The following SYN3 variants were observed in gnomAD, a reference collection of about 807,000 sequenced individuals.
SYN3 encodes the protein synapsin III, also known as synapsin-3.
A neutral mutation model predicts 65.8 loss-of-function variants in SYN3; 35 were observed. That is an observed-to-expected ratio of 0.53 (90% CI 0.41 to 0.70). SYN3 has a LOEUF of 0.70. Ranked by LOEUF, SYN3 falls within the 30% of genes least tolerant of loss-of-function variation. The probability of loss-of-function intolerance (pLI) is 0.00; values close to 1 mark genes in which losing one functional copy is unlikely to be tolerated. For missense variants in SYN3, 680 were observed against 749.0 expected (o/e 0.91, Z 1.08); for synonymous variants, 270 against 292.9 (o/e 0.92, Z 0.80).
intron 7 of SYN3, among the ~76,000 whole-genome samples, chr22:32,593,707 T>C (rs566100357): frequency 1.3e-4 from 20 of 152,182 alleles, no homozygotes; most frequent in African/African-American, 4.8e-4. Flanking sequence ...AGTAGAGATG[T>C]AGAGGACATA....
chr22:32,525,327 G>A (rs188512644), intron 12 of SYN3, among the ~76,000 whole-genome samples: 6 of 152,262 alleles, frequency 3.9e-5, no homozygotes, highest in African/African-American at 9.6e-5. Context: ...CTGCAGCCTC[G>A]TGATAAAACT....
At chr22:32,905,618 G>C (rs1241291759) in intron 4 of SYN3, among the ~76,000 whole-genome samples, 1 of 152,264 alleles carries the variant, frequency 6.6e-6, no homozygotes, top group Non-Finnish European at 1.5e-5. Flanking sequence ...TCTGGTTAAA[G>C]AAGTGGAGCT....
At chr22:32,876,187 C>T (rs2048976315) in intron 4 of SYN3, among the ~76,000 whole-genome samples, 1 of 152,128 alleles carries the variant, frequency 6.6e-6, no homozygotes, top group African/African-American at 2.4e-5. Flanking sequence ...TTCCTAGCTC[C>T]TCACTGTGTC....
rs571347370 is a variant in SYN3 at position 32,878,913 on chromosome 22, G to A, written c.462-9788C>T. ...ATGGCCATGTGGGAATGAGGGTCCT[G>A]CATGGCCCTTGTGACTTTTCAAAAG... On this transcript the variant is annotated intron_variant, in intron 4 of 13. Transcript: ENST00000358763. Among the ~76,000 whole-genome samples the A allele has an allele frequency of 2.8e-3, 432 of 152,274 alleles. 1 individual carries two copies. Among genetic ancestry groups the A allele is most frequent in the Non-Finnish European group, 4.9e-3 (330 of 68,030 alleles).
chr22:32,609,249 G>A (rs1221195212), intron 6 of SYN3, among the ~76,000 whole-genome samples: 7 of 152,092 alleles, frequency 4.6e-5, no homozygotes, highest in South Asian at 2.1e-4. Context: ...GCGTGAATCC[G>A]GGAGGCGGAG....
intron 4 of SYN3, among the ~76,000 whole-genome samples, chr22:32,898,282 T>G (rs1423831581): frequency 6.6e-6 from 1 of 152,090 alleles, no homozygotes. Context: ...GCTGAGCCAC[T>G]GCGCCCGGCC....
At chr22:32,559,784 A>C (rs2097344) in intron 7 of SYN3, among the ~76,000 whole-genome samples, 11,330 of 151,174 alleles carry the variant, frequency 0.075, 762 homozygotes, top group East Asian at 0.23. Context: ...GTGCCCAGAT[A>C]GCGCCACTGC....
intron 4 of SYN3, among the ~76,000 whole-genome samples, chr22:32,929,585 G>C: frequency 6.6e-6 from 1 of 152,196 alleles, no homozygotes; most frequent in East Asian, 1.9e-4. Context: ...GGCATGTCTG[G>C]GATCACCATA....
intron 3 of SYN3, among the ~76,000 whole-genome samples, chr22:32,966,230 G>C (rs952905447): frequency 3.3e-5 from 5 of 152,160 alleles, no homozygotes; most frequent in African/African-American, 1.2e-4. Flanking sequence ...CCTGGATGGA[G>C]GGGGAGGGCA....
chr22:33,007,940 AT>A (rs133947), intron 1 of SYN3, among the ~76,000 whole-genome samples: 98,109 of 146,276 alleles, frequency 0.67, 32,823 homozygotes, highest in Middle Eastern at 0.73. Flanking sequence ...ATTATATACA[AT>A]TTTTTTTTTT....
chr22:32,552,193 G>A (rs2058426831), intron 7 of SYN3, among the ~76,000 whole-genome samples: 1 of 152,106 alleles, frequency 6.6e-6, no homozygotes, highest in Middle Eastern at 3.2e-3. Flanking sequence ...TTGCAGTGGA[G>A]CAAGATCGCG....
chr22:32,975,895 C>G (rs576046444), intron 3 of SYN3, among the ~76,000 whole-genome samples: 1 of 152,182 alleles, frequency 6.6e-6, no homozygotes, highest in Non-Finnish European at 1.5e-5. Context: ...GAATTAACAT[C>G]CAACTTACAC....
intron 6 of SYN3, among the ~76,000 whole-genome samples, chr22:32,805,186 GTGTTCGGGGCC>G (rs2046694857): frequency 6.6e-6 from 1 of 152,142 alleles, no homozygotes; most frequent in Non-Finnish European, 1.5e-5. Flanking sequence ...AGGATGAAGT[GTGTTCGGGGCC>G]TGCCTCTGAG....
At chr22:32,963,242 ATTTTTTTTTTTT>A (rs59829876) in intron 3 of SYN3, among the ~76,000 whole-genome samples, 1 of 111,842 alleles carries the variant, frequency 8.9e-6, no homozygotes, top group African/African-American at 3.6e-5. Flanking sequence ...TGCCTGGCTA[ATTTTTTTTTTTT>A]TTTTTTTTTT....
chr22:32,984,625 G>C (rs2052471426), intron 2 of SYN3, among the ~76,000 whole-genome samples: 1 of 152,168 alleles, frequency 6.6e-6, no homozygotes, highest in Non-Finnish European at 1.5e-5. Context: ...TAGGGTCTTG[G>C]TGGGAATATC....
chr22:32,820,269 CGT>C lies in SYN3; in HGVS notation c.711+44644_711+44645del, dbSNP rs374591413. Among the ~76,000 whole-genome samples the C allele has an allele frequency of 6.3e-3, 911 of 144,556 alleles. 6 individuals carry two copies. Among genetic ancestry groups the C allele is most frequent in the African/African-American group, 0.016 (637 of 39,628 alleles). The allele number at this position is 144,556 out of a possible 152,430, so 94.8% of individuals were successfully genotyped here. A position where few individuals can be genotyped will look rare whatever the true frequency, so the allele number is the denominator to read the frequency against. On this transcript the variant is annotated intron_variant, in intron 6 of 13. Transcript: ENST00000358763. The stretch of plus-strand genomic sequence containing the variant: ...GTGTGTGTGTGTGTGTGTGCGTGCG[CGT>C]GTGTGTGTGTGTGTGTGGTGTGTGT...
At chr22:32,907,275 G>A (rs1038894680) in intron 4 of SYN3, among the ~76,000 whole-genome samples, 12 of 152,184 alleles carry the variant, frequency 7.9e-5, no homozygotes, top group African/African-American at 2.4e-4. Context: ...TAAGGGAACT[G>A]AGGCACAGAG....
intron 6 of SYN3, among the ~76,000 whole-genome samples, chr22:32,739,924 C>A (rs773987300): frequency 6.6e-6 from 1 of 152,192 alleles, no homozygotes; most frequent in Non-Finnish European, 1.5e-5. Context: ...TGCTGCACCC[C>A]CTACACATGT....
At chr22:32,811,170 T>G (rs2046905997) in intron 6 of SYN3, among the ~76,000 whole-genome samples, 1 of 151,208 alleles carries the variant, frequency 6.6e-6, no homozygotes, top group African/African-American at 2.4e-5. Flanking sequence ...GTAATAAAAT[T>G]TGGGGGCAGC....
Sources: gnomAD v4.1 joint callset for allele counts (sites outside exome capture counted in the v4.1 genomes callset) on GRCh38, gnomAD v4.1.1 for gene constraint, MANE v1.5 for transcripts, NCBI Gene and HGNC (gene_info 2026-07-23, HGNC 2026-07-21) for gene names.